The following CSRP1 variants were observed in gnomAD, a reference collection of about 807,000 sequenced individuals.
CSRP1 encodes the protein cysteine and glycine rich protein 1.
A neutral mutation model predicts 25.4 loss-of-function variants in CSRP1; 16 were observed. That is an observed-to-expected ratio of 0.63 (90% CI 0.43 to 0.96). The LOEUF (loss-of-function observed/expected upper bound fraction) is 0.96. Ranked by LOEUF, CSRP1 falls within the 40% of genes least tolerant of loss-of-function variation. The probability of loss-of-function intolerance (pLI) is 0.00; values close to 1 mark genes in which losing one functional copy is unlikely to be tolerated. For missense variants in CSRP1, 212 were observed against 243.6 expected (o/e 0.87, Z 0.86); for synonymous variants, 97 against 95.3 (o/e 1.02, Z -0.10).
At chr1:201,485,229 G>A in intron 5 of CSRP1, 54 bp downstream of exon 5, 1 of 1,513,504 alleles carries the variant, frequency 6.6e-7, no homozygotes. Flanking sequence ...AAACTACTTA[G>A]CCCCCCTACC....
At chr1:201,498,653 G>A (rs185682023) in intron 1 of CSRP1, among the ~76,000 whole-genome samples, 436 of 152,322 alleles carry the variant, frequency 2.9e-3, no homozygotes, top group African/African-American at 9.8e-3. Context: ...TCCAGGTCAC[G>A]TTCACCACTC....
At chr1:201,501,295 A>G (rs762488653) in intron 1 of CSRP1, among the ~76,000 whole-genome samples, 1 of 152,210 alleles carries the variant, frequency 6.6e-6, no homozygotes, top group Non-Finnish European at 1.5e-5. Flanking sequence ...AAGAAGTACC[A>G]TGCCAAATAG....
intron 3 of CSRP1, chr1:201,489,968 G>C: frequency 1.9e-6 from 1 of 521,568 alleles, no homozygotes; most frequent in South Asian, 3.4e-5. Context: ...TCCTTGCAGG[G>C]AGGAGCCCAG....
intron 2 of CSRP1, among the ~76,000 whole-genome samples, chr1:201,494,107 G>A (rs1292693764): frequency 6.6e-6 from 1 of 151,730 alleles, no homozygotes; most frequent in African/African-American, 2.4e-5. Context: ...CAAGAGCCCT[G>A]CTCCCCAGCC....
chr1:201,500,524 G>A (rs1331780282), intron 1 of CSRP1, among the ~76,000 whole-genome samples: 3 of 152,268 alleles, frequency 2.0e-5, no homozygotes, highest in Admixed American at 6.5e-5. Flanking sequence ...ATTTAGTTAG[G>A]GCGAGGGTGG....
intron 5 of CSRP1, 53 bp downstream of exon 5, chr1:201,485,229 GC>G (rs778551463): frequency 8.3e-5 from 125 of 1,513,386 alleles, no homozygotes; most frequent in Non-Finnish European, 1.1e-4. Flanking sequence ...AAACTACTTA[GC>G]CCCCCTACCC....
At chr1:201,496,991 G>A (rs532113130) in intron 1 of CSRP1, among the ~76,000 whole-genome samples, 3 of 152,192 alleles carry the variant, frequency 2.0e-5, no homozygotes, top group Non-Finnish European at 4.4e-5. Flanking sequence ...TGTAGGTTTT[G>A]TGCACACTTT....
At chr1:201,502,413 G>A (rs1188180759) in intron 1 of CSRP1, among the ~76,000 whole-genome samples, 1 of 152,246 alleles carries the variant, frequency 6.6e-6, no homozygotes, top group African/African-American at 2.4e-5. Context: ...AGGGCAGAGA[G>A]AGGAGGGGGC....
At position 201,485,312 on chromosome 1, in the gene CSRP1, G is replaced by A; in HGVS notation, c.476C>T (p.Ala159Val). Reference protein sequence around the residue: ...CGKGLESTTLADKDGEIYCKG... With the variant: ...CGKGLESTTLVDKDGEIYCKG... The stretch of plus-strand genomic sequence containing the variant: ...GCAGTAAATCTCGCCATCCTTGTCT[G>A]CCAGGGTGGTTGACTCAAGGCCTTT... Residue 159 changes from alanine to valine, a missense_variant, in exon 5 of 6, where the codon GCA becomes GTA. Physicochemically the swap from Ala to Val is moderately conservative, Grantham distance 64. Transcript: ENST00000340006. The A allele has an allele frequency of 3.1e-6, 5 of 1,614,164 alleles. No homozygotes were observed. In the Middle Eastern group the frequency reaches 4.9e-4, roughly 160 times the overall value.
At chr1:201,501,838 C>G (rs907257753) in intron 1 of CSRP1, among the ~76,000 whole-genome samples, 3 of 151,864 alleles carry the variant, frequency 2.0e-5, no homozygotes, top group African/African-American at 7.3e-5. Context: ...AATAAAAATA[C>G]AAAAATTAGC....
chr1:201,502,980 CAAAA>C (rs3029388), intron 1 of CSRP1, among the ~76,000 whole-genome samples: 18 of 142,876 alleles, frequency 1.3e-4, no homozygotes, highest in South Asian at 2.3e-4. Context: ...ACTAAATATA[CAAAA>C]AAAAAAAAAA....
At chr1:201,500,543 C>T (rs570169860) in intron 1 of CSRP1, among the ~76,000 whole-genome samples, 2 of 152,352 alleles carry the variant, frequency 1.3e-5, no homozygotes, top group Admixed American at 1.3e-4. Flanking sequence ...GGGGGGTCTC[C>T]CCTCAAGAGC....
chr1:201,490,223 G>A lies in CSRP1; in HGVS notation c.234C>T (p.Gly78=), dbSNP rs1256331791. 1 of 1,614,192 alleles carries A rather than the reference G, an allele frequency of 6.2e-7. No homozygotes were observed. Among genetic ancestry groups the A allele is most frequent in the Non-Finnish European group, 8.5e-7 (1 of 1,180,030 alleles). Residue 78 remains glycine, a synonymous_variant, in exon 3 of 6, where the codon GGC becomes GGT. Coordinates refer to ENST00000340006, the MANE Select transcript of CSRP1 (RefSeq NM_004078.3). ...PKGYGYGQGA[G]TLSTDKGESL... ...ACTCCCCCTTGTCAGTGCTGAGGGTGCCTGCGCCCTGCCCGTAGCCATAGC... is the reference window on the plus strand; with the variant it reads ...ACTCCCCCTTGTCAGTGCTGAGGGTACCTGCGCCCTGCCCGTAGCCATAGC...
chr1:201,496,443 C>A, intron 1 of CSRP1, 139 bp from the exon 2 acceptor site: 1 of 706,006 alleles, frequency 1.4e-6, no homozygotes, highest in Non-Finnish European at 2.5e-6. Context: ...CCAGGCCTGG[C>A]AGAGCACTTT....
At position 201,485,303 on chromosome 1, in the gene CSRP1, T is replaced by C. The variant is rs1664099141; in HGVS notation, c.485A>G (p.Asp162Gly). Residue 162 changes from aspartate (D) to glycine (G), a missense_variant, in exon 5 of 6, where the codon GAT becomes GGT. Physicochemically the swap from Asp to Gly is moderately conservative, Grantham distance 94. Coordinates refer to ENST00000340006, the MANE Select transcript of CSRP1 (RefSeq NM_004078.3). ...CCCACCTTTGCAGTAAATCTCGCCA[T>C]CCTTGTCTGCCAGGGTGGTTGACTC... The part of the protein sequence containing the change: ...GLESTTLADK[D>G]GEIYCKGCYA... 2.5e-6 allele frequency: 4 copies of C among 1,614,180 alleles called. No homozygotes were observed. Among genetic ancestry groups the C allele is most frequent in the Non-Finnish European group, 3.4e-6 (4 of 1,180,008 alleles).
intron 1 of CSRP1, among the ~76,000 whole-genome samples, chr1:201,504,981 T>A (rs1664774508): frequency 6.6e-6 from 1 of 152,108 alleles, no homozygotes; most frequent in African/African-American, 2.4e-5. Flanking sequence ...ACACCTGTAA[T>A]CCCAGCTACT....
chr1:201,486,978 C>T (rs552205832), intron 4 of CSRP1: 1 of 1,300,634 alleles, frequency 7.7e-7, no homozygotes, highest in African/African-American at 1.5e-5. Context: ...ATCCTTTAGT[C>T]AATGGCAAGG....
intron 2 of CSRP1, among the ~76,000 whole-genome samples, chr1:201,494,009 A>G (rs961263189): frequency 2.0e-5 from 3 of 152,034 alleles, no homozygotes; most frequent in Non-Finnish European, 4.4e-5. Context: ...GTGCTCTGAT[A>G]TCCAATAGCT....
At chr1:201,486,763 A>G in intron 4 of CSRP1, 2 of 1,071,068 alleles carry the variant, frequency 1.9e-6, no homozygotes, top group Non-Finnish European at 2.3e-6. Flanking sequence ...GCGAGGCAAT[A>G]GAAAGGTGGG....
Sources: allele counts gnomAD v4.1 joint callset (sites outside exome capture counted in the v4.1 genomes callset), GRCh38; gene constraint gnomAD v4.1.1; transcripts MANE v1.5; gene names NCBI Gene and HGNC (gene_info 2026-07-23, HGNC 2026-07-21).